The following PCBP2 variants were observed in gnomAD, a reference collection of about 807,000 sequenced individuals.
The protein encoded by PCBP2 is poly(rC)-binding protein 2.
PCBP2 carries 4 observed loss-of-function variants against 50.1 expected under a neutral mutation model. The observed-to-expected ratio is 0.08, with a 90% CI of 0.04 to 0.18. The LOEUF (loss-of-function observed/expected upper bound fraction) is 0.18. PCBP2 is among the 10% of genes least tolerant of loss of function. The probability of loss-of-function intolerance (pLI) is 1.00; values close to 1 mark genes in which losing one functional copy is unlikely to be tolerated. For missense variants in PCBP2, 161 were observed against 474.3 expected, an observed-to-expected ratio of 0.34 and a Z score of 6.14; for synonymous variants, 179 against 168.0, an observed-to-expected ratio of 1.07 and a Z score of -0.51.
intron 1 of PCBP2, chr12:53,453,261 C>T (rs1262069622): frequency 1.4e-5 from 2 of 148,086 alleles, no homozygotes; most frequent in Non-Finnish European, 1.5e-5. Flanking sequence ...TTGTAAAGGG[C>T]TTCCTATTAC....
chr12:53,460,536 C>T (rs957316931), intron 6 of PCBP2: 1 of 204,022 alleles, frequency 4.9e-6, no homozygotes, highest in African/African-American at 2.4e-5. Context: ...TGGAATGAAA[C>T]TCGAATGGCT....
chr12:53,462,546 G>A lies in PCBP2; in HGVS notation c.558G>A (p.Pro186=), dbSNP rs374479188. The change falls in exon 8 of 15, where the codon CCG becomes CCA. Residue 186 remains proline (P), a synonymous_variant. Transcript: ENST00000546463. ...ACCGGCCCAAGCCGTCCAGCTCTCCGGTCATCTTTGCAGGTGGTCAGGTAA... is the reference window on the plus strand; with the variant it reads ...ACCGGCCCAAGCCGTCCAGCTCTCCAGTCATCTTTGCAGGTGGTCAGGTAA... The part of the protein sequence containing the change: ...IPYRPKPSSS[P]VIFAGGQDRY... 37 of 1,613,090 alleles carry A rather than the reference G, an allele frequency of 2.3e-5. No individual in the cohort carries two copies. Among genetic ancestry groups the A allele is most frequent in the Admixed American group, 5.0e-5 (3 of 59,942 alleles).
chr12:53,467,117 A>G, intron 10 of PCBP2, 104 bp from the exon 11 acceptor site: 2 of 771,536 alleles, frequency 2.6e-6, no homozygotes, highest in South Asian at 3.1e-5. Context: ...TTTGAGTAGT[A>G]GAGTCAATTT....
intron 13 of PCBP2, among the ~76,000 whole-genome samples, chr12:53,470,572 CT>C (rs901870735): frequency 6.6e-6 from 1 of 151,246 alleles, no homozygotes; most frequent in African/African-American, 2.4e-5. Context: ...CCCTGGCTAA[CT>C]TTTTTTGTAT....
intron 5 of PCBP2, among the ~76,000 whole-genome samples, chr12:53,456,209 G>T (rs1038594217): frequency 3.3e-5 from 5 of 152,158 alleles, no homozygotes; most frequent in African/African-American, 1.2e-4. Flanking sequence ...GCTCATGGCT[G>T]TAGTCCCAGC....
chr12:53,477,694 A>AAAC (rs1942717081), intron 14 of PCBP2, among the ~76,000 whole-genome samples: 3 of 138,022 alleles, frequency 2.2e-5, no homozygotes, highest in African/African-American at 5.2e-5. Context: ...AAAAAAAAAA[A>AAAC]CCCTAAATAT....
rs1470591436 is a variant in PCBP2, at chr12:53,480,601, G to A, written c.*1159G>A. On this transcript the variant is annotated 3_prime_UTR_variant, in exon 15 of 15. Transcript: ENST00000546463. ...AAAGCAGGGACTTAAACAGCACCCC[G>A]GTTCTTCAGCCTGAGCCATCACATG... 5 of 152,568 alleles carry A rather than the reference G, an allele frequency of 3.3e-5. No homozygotes were observed. Among genetic ancestry groups the A allele is most frequent in the East Asian group, 3.9e-4 (2 of 5,190 alleles). The allele number at this position is 152,568 out of a possible 1,614,324, so 9.5% of individuals were successfully genotyped here.
intron 9 of PCBP2, among the ~76,000 whole-genome samples, chr12:53,465,328 A>G (rs1411117848): frequency 6.6e-6 from 1 of 151,990 alleles, no homozygotes; most frequent in African/African-American, 2.4e-5. Context: ...GGGAGCTGCA[A>G]ATGCCTATGG....
rs148880985 is a variant in PCBP2 at position 53,466,513 on chromosome 12, G to A, written c.714+540G>A. 1.3e-3 allele frequency among the ~76,000 whole-genome samples: 193 copies of A among 152,206 alleles called. 1 individual carries two copies. In the East Asian group the frequency reaches 0.031, roughly 25 times the overall value. On this transcript the variant is annotated intron_variant, in intron 10 of 14. Transcript: ENST00000546463. ...CTAAAACCTCCTATTTAAAAGTGCC[G>A]GTATTTAGACTTCAAGGGCATTTTT...
chr12:53,461,368 A>G (rs1283675850), intron 7 of PCBP2, among the ~76,000 whole-genome samples: 1 of 152,238 alleles, frequency 6.6e-6, no homozygotes, highest in Non-Finnish European at 1.5e-5. Context: ...CTTTTGGTTC[A>G]CAGCAGTTGT....
chr12:53,478,996 ACT>A (rs1008303284), intron 14 of PCBP2, among the ~76,000 whole-genome samples: 4 of 152,100 alleles, frequency 2.6e-5, no homozygotes, highest in Middle Eastern at 3.4e-3. Flanking sequence ...CTCTCAGATG[ACT>A]CTTTCTTTCC....
intron 14 of PCBP2, among the ~76,000 whole-genome samples, chr12:53,478,076 C>T (rs140432245): frequency 1.3e-5 from 2 of 152,312 alleles, no homozygotes; most frequent in African/African-American, 4.8e-5. Flanking sequence ...ATGACTATCT[C>T]TTTGAAACAG....
At chr12:53,462,747 G>A (rs1399967144) in intron 8 of PCBP2, among the ~76,000 whole-genome samples, 180 bp downstream of exon 8, 2 of 152,148 alleles carry the variant, frequency 1.3e-5, no homozygotes, top group Non-Finnish European at 1.5e-5. Context: ...ATTTTTAGCA[G>A]GCAATGGAAG....
chr12:53,466,011 C>T, intron 10 of PCBP2, 38 bp downstream of exon 10: 1 of 1,590,148 alleles, frequency 6.3e-7, no homozygotes, highest in Non-Finnish European at 8.6e-7. Context: ...GAAAAGCTCC[C>T]TCTCCCATCC....
intron 9 of PCBP2, chr12:53,465,149 G>C: frequency 3.5e-6 from 1 of 287,362 alleles, no homozygotes; most frequent in Non-Finnish European, 6.4e-6. Flanking sequence ...GTACTTTTGG[G>C]GGTACTGGCC....
intron 11 of PCBP2, 83 bp from the exon 12 acceptor site, chr12:53,467,722 T>C (rs1322860392): frequency 9.2e-7 from 1 of 1,082,640 alleles, no homozygotes; most frequent in Non-Finnish European, 1.4e-6. Flanking sequence ...GTTTCGTTTT[T>C]GGGGCTTTTC....
Position 53,461,122 on chromosome 12 carries a change from G to C in PCBP2, c.483G>C (p.Gln161His). 1 of 1,614,084 alleles carries C rather than the reference G, an allele frequency of 6.2e-7. No homozygotes were observed. Among genetic ancestry groups the C allele is most frequent in the Non-Finnish European group, 8.5e-7 (1 of 1,179,974 alleles). Residue 161 changes from glutamine (Q) to histidine (H), a missense_variant, in exon 7 of 15, where the codon CAG (glutamine) becomes CAC (histidine). By Grantham distance (24) the Gln-to-His change is conservative (BLOSUM62 0). Coordinates refer to ENST00000546463, the MANE Select transcript of PCBP2 (RefSeq NM_031989.5). Reference sequence around the variant, plus strand: ...AATCCATCATTGAGTGTGTCAAACAGATCTGCGTGGTCATGTTGGAGGTAA... The same window carrying C: ...AATCCATCATTGAGTGTGTCAAACACATCTGCGTGGTCATGTTGGAGGTAA... ...IPQSIIECVK[Q>H]ICVVMLESPP...
Position 53,459,893 on chromosome 12 carries a change from C to T in PCBP2, c.375+490C>T, listed in dbSNP as rs187966290. On this transcript the variant is annotated intron_variant, in intron 6 of 14. Coordinates refer to ENST00000546463, the MANE Select transcript of PCBP2 (RefSeq NM_031989.5). ...CTCTCATCTCAGCCTCCCAAGGAGC[C>T]GGGACTGCAGGCTCCCACCACCACA... is the stretch of plus-strand genomic sequence containing the variant. 662 of 454,090 alleles carry T rather than the reference C, an allele frequency of 1.5e-3. 6 individuals are homozygous for T. Among genetic ancestry groups the T allele is most frequent in the East Asian group, 2.2e-3 (31 of 14,340 alleles). The allele number at this position is 454,090 out of a possible 1,614,324, so 28.1% of individuals were successfully genotyped here. A position where few individuals can be genotyped will look rare whatever the true frequency, so the allele number is the denominator to read the frequency against.
Position 53,455,509 on chromosome 12 carries a change from CTG to C in PCBP2, c.126+17_126+18del. 1 of 1,612,874 alleles carries C rather than the reference CTG, an allele frequency of 6.2e-7. No individual in the cohort carries two copies. Among genetic ancestry groups the C allele is most frequent in the South Asian group, 1.1e-5 (1 of 90,998 alleles). On this transcript the variant is annotated intron_variant, in intron 4 of 14. Transcript: ENST00000546463. ...GCGCGAGGAGGTAAGTTATGAAAGA[CTG>C]AGATTGTTAACTTTGGGAAGTAAAA...
Sources: gnomAD v4.1 joint callset for allele counts (sites outside exome capture counted in the v4.1 genomes callset) on GRCh38, gnomAD v4.1.1 for gene constraint, MANE v1.5 for transcripts, NCBI Gene and HGNC (gene_info 2026-07-23, HGNC 2026-07-21) for gene names.